The following NTNG1 variants were observed in gnomAD, a reference collection of about 807,000 sequenced individuals.
NTNG1 encodes the protein netrin G1, also known as netrin-G1.
Under a neutral mutation model 54.0 loss-of-function variants are expected in NTNG1, and 16 were observed. The observed-to-expected ratio is 0.30, with a 90% CI of 0.20 to 0.45. The LOEUF is 0.45. NTNG1 is among the 20% of genes least tolerant of loss of function. The probability of loss-of-function intolerance (pLI) is 1.00; values close to 1 mark genes in which losing one functional copy is unlikely to be tolerated. For synonymous variants in NTNG1, 255 were observed against 263.1 expected (o/e 0.97, Z 0.30); for missense variants, 530 against 678.7 (o/e 0.78, Z 2.43).
intron 3 of NTNG1, among the ~76,000 whole-genome samples, chr1:107,349,363 A>G (rs1347281138): frequency 1.3e-5 from 2 of 152,100 alleles, no homozygotes; most frequent in African/African-American, 4.8e-5. Context: ...TTTTCTATGC[A>G]TATATGTAAT....
At chr1:107,394,903 C>G (rs1391786865) in intron 3 of NTNG1, among the ~76,000 whole-genome samples, 2 of 152,116 alleles carry the variant, frequency 1.3e-5, no homozygotes, top group African/African-American at 4.8e-5. Context: ...TTCAGGCCCC[C>G]ACTGACTTGA....
chr1:107,383,801 C>T (rs1011396835), intron 3 of NTNG1, among the ~76,000 whole-genome samples: 1 of 152,184 alleles, frequency 6.6e-6, no homozygotes, highest in African/African-American at 2.4e-5. Flanking sequence ...GAACGTTGTT[C>T]ATTTGTATTT....
intron 3 of NTNG1, among the ~76,000 whole-genome samples, chr1:107,329,966 G>C (rs1049391680): frequency 2.0e-5 from 3 of 152,088 alleles, no homozygotes; most frequent in African/African-American, 7.2e-5. Context: ...TCAAAGTGCT[G>C]TGGTAGCAGA....
At chr1:107,275,549 C>G (rs529426726) in intron 2 of NTNG1, among the ~76,000 whole-genome samples, 39 of 152,138 alleles carry the variant, frequency 2.6e-4, no homozygotes, top group African/African-American at 8.7e-4. Flanking sequence ...ACCAGGAGAG[C>G]TGATGGTGTA....
At chr1:107,190,091 T>A (rs1354106168) in intron 2 of NTNG1, among the ~76,000 whole-genome samples, 3 of 152,164 alleles carry the variant, frequency 2.0e-5, no homozygotes, top group Admixed American at 6.6e-5. Context: ...ATTCCACTTA[T>A]GTGAGCTCTC....
rs770129357 is a variant in NTNG1, at chr1:107,148,568, CCAAGAAGATTA to C, written c.-22_-12del. ...CATAAAGCAAGCTCTGCTTTAGTTT[CCAAGAAGATTA>C]CAAAGAATTTAGAGATGTATTTGTC... is the stretch of plus-strand genomic sequence containing the variant. On this transcript the variant is annotated 5_prime_UTR_variant, in exon 2 of 8. Coordinates refer to ENST00000370068, the MANE Select transcript of NTNG1 (RefSeq NM_001113226.3). 4.0e-5 allele frequency: 64 copies of C among 1,609,198 alleles called. No homozygotes were observed. Among genetic ancestry groups the C allele is most frequent in the Non-Finnish European group, 5.4e-5 (63 of 1,176,500 alleles).
intron 2 of NTNG1, among the ~76,000 whole-genome samples, chr1:107,292,654 G>A (rs1041703745): frequency 3.9e-5 from 6 of 152,088 alleles, no homozygotes; most frequent in Admixed American, 3.9e-4. Context: ...AGTTTAAATG[G>A]TATATGACCT....
At chr1:107,171,213 C>T (rs1021710333) in intron 2 of NTNG1, among the ~76,000 whole-genome samples, 1 of 151,918 alleles carries the variant, frequency 6.6e-6, no homozygotes. Flanking sequence ...CCTTTTCCAC[C>T]TTATATTTTT....
At chr1:107,374,784 T>G (rs1671128944) in intron 3 of NTNG1, among the ~76,000 whole-genome samples, 2 of 152,298 alleles carry the variant, frequency 1.3e-5, no homozygotes, top group Admixed American at 6.5e-5. Flanking sequence ...ATTGTGAATT[T>G]TATCTGGTTG....
At chr1:107,177,025 A>C (rs986978638) in intron 2 of NTNG1, among the ~76,000 whole-genome samples, 2 of 152,140 alleles carry the variant, frequency 1.3e-5, no homozygotes, top group Admixed American at 6.6e-5. Flanking sequence ...AAATTGCCCC[A>C]GTTGAGAACC....
intron 2 of NTNG1, among the ~76,000 whole-genome samples, chr1:107,211,128 T>C (rs1188356968): frequency 6.6e-6 from 1 of 152,196 alleles, no homozygotes; most frequent in Admixed American, 6.5e-5. Flanking sequence ...CTAAACCTAG[T>C]GCTTCTTAAG....
intron 3 of NTNG1, among the ~76,000 whole-genome samples, chr1:107,347,592 T>C (rs1035616603): frequency 6.6e-6 from 1 of 152,182 alleles, no homozygotes; most frequent in African/African-American, 2.4e-5. Flanking sequence ...GTGCTGCACT[T>C]GGTGTCTAGT....
intron 2 of NTNG1, among the ~76,000 whole-genome samples, chr1:107,160,278 T>A (rs1420739064): frequency 6.6e-6 from 1 of 152,168 alleles, no homozygotes; most frequent in Non-Finnish European, 1.5e-5. Flanking sequence ...CTGCTGAAGA[T>A]GAAAAATCTA....
chr1:107,146,910 C>A (rs771341013), intron 1 of NTNG1, among the ~76,000 whole-genome samples: 66 of 152,066 alleles, frequency 4.3e-4, no homozygotes, highest in Non-Finnish European at 3.7e-4. Flanking sequence ...TTCCATATTT[C>A]AACTGTTTAA....
intron 2 of NTNG1, among the ~76,000 whole-genome samples, chr1:107,286,206 G>A (rs1557870164): frequency 6.6e-6 from 1 of 152,130 alleles, no homozygotes; most frequent in Non-Finnish European, 1.5e-5. Context: ...ACTACTCAAT[G>A]GTGTAGAAGT....
intron 2 of NTNG1, among the ~76,000 whole-genome samples, chr1:107,290,610 T>C (rs1316832531): frequency 1.3e-5 from 2 of 152,216 alleles, no homozygotes; most frequent in Admixed American, 1.3e-4. Context: ...ACAATCCTTA[T>C]ACACAAATAT....
At chr1:107,229,007 AG>A (rs1660875207) in intron 2 of NTNG1, among the ~76,000 whole-genome samples, 1 of 152,134 alleles carries the variant, frequency 6.6e-6, no homozygotes, top group Admixed American at 6.5e-5. Flanking sequence ...AAACTGATAA[AG>A]ATGGCTTGAG....
intron 7 of NTNG1, among the ~76,000 whole-genome samples, chr1:107,464,416 C>T (rs769564604): frequency 5.3e-5 from 8 of 151,996 alleles, no homozygotes; most frequent in East Asian, 1.9e-4. Flanking sequence ...GTTGGGGCCC[C>T]AGGTGTAAAA....
In NTNG1 at chr1:107,395,922, CATTA is replaced by C. The variant is rs200830305; in HGVS notation, c.1060+598_1060+601del. The stretch of plus-strand genomic sequence containing the variant: ...CATGACTGTAGGCCTGTGGGGACCA[CATTA>C]AGAAAAAAGATTTTTCTACGCATGT... On this transcript the variant is annotated intron_variant, in intron 4 of 7. Coordinates refer to ENST00000370068, the MANE Select transcript of NTNG1 (RefSeq NM_001113226.3). 7.7e-3 allele frequency among the ~76,000 whole-genome samples: 1,171 copies of C among 152,272 alleles called. 10 individuals are homozygous for C. The highest frequency in any genetic ancestry group is 0.025 in the African/African-American group (1,037 of 41,560).
Sources: gnomAD v4.1 joint callset for allele counts (sites outside exome capture counted in the v4.1 genomes callset) on GRCh38, gnomAD v4.1.1 for gene constraint, MANE v1.5 for transcripts, NCBI Gene and HGNC (gene_info 2026-07-23, HGNC 2026-07-21) for gene names.